The following CLSPN variants were observed in gnomAD, a reference collection of about 807,000 sequenced individuals.
CLSPN encodes claspin homolog.
A neutral mutation model predicts 156.3 loss-of-function variants in CLSPN; 85 were observed. The observed-to-expected ratio is 0.54, with a 90% confidence interval of 0.46 to 0.65. The LOEUF is 0.65. CLSPN is among the 30% of genes least tolerant of loss of function. CLSPN has a pLI of 0.00. For synonymous variants in CLSPN, 534 were observed against 542.4 expected, an observed-to-expected ratio of 0.98 and a Z score of 0.22; for missense variants, 1,407 against 1,554.9, an observed-to-expected ratio of 0.90 and a Z score of 1.60.
intron 6 of CLSPN, among the ~76,000 whole-genome samples, chr1:35,761,658 T>C (rs1284026614): frequency 6.6e-6 from 1 of 152,074 alleles, no homozygotes; most frequent in Non-Finnish European, 1.5e-5. Flanking sequence ...GACAAAGGGA[T>C]GATATTTTTA....
At position 35,743,150 on chromosome 1, in the gene CLSPN, T is replaced by C; in HGVS notation, c.3134A>G (p.Lys1045Arg). The change falls in exon 18 of 25, where the codon AAA (lysine) becomes AGA (arginine). Residue 1045 changes from lysine to arginine, a missense_variant. By Grantham distance (26) the Lys-to-Arg change is conservative. This residue lies in a region of CLSPN where 70 missense variants were observed against 121.5 expected (regional missense o/e 0.58). Transcript: ENST00000318121. ...TATTAATAACACGTACATTTGCCTT[T>C]TCAACTTCTCAGATCGCTTCAGGAG... ...EELLKRSEKL[K>R]RQMRLRKYLE... 6.2e-7 allele frequency: 1 copy of C among 1,613,534 alleles called. No homozygotes were observed. The highest frequency in any genetic ancestry group is 8.5e-7 in the Non-Finnish European group (1 of 1,179,544).
Position 35,732,182 on chromosome 1 carries a change from G to A in CLSPN, c.*4314C>T. 1.0e-6 allele frequency: 1 copy of A among 985,380 alleles called. No individual in the cohort carries two copies. The highest frequency in any genetic ancestry group is 1.2e-6 in the Non-Finnish European group (1 of 829,918). 61.0% of individuals were successfully genotyped at this position (985,380 alleles called of 1,614,324 possible). On this transcript the variant is annotated 3_prime_UTR_variant, in exon 25 of 25. Coordinates refer to ENST00000318121, the MANE Select transcript of CLSPN (RefSeq NM_022111.4). ...CATTCCAAGCTGTGTGCCAGGCGATGAGTAGGATATAAGGGTAGAAGATAC... is the reference window on the plus strand; with the variant it reads ...CATTCCAAGCTGTGTGCCAGGCGATAAGTAGGATATAAGGGTAGAAGATAC...
At chr1:35,755,182 A>G (rs1571213117) in intron 8 of CLSPN, among the ~76,000 whole-genome samples, 1 of 151,906 alleles carries the variant, frequency 6.6e-6, no homozygotes, top group Non-Finnish European at 1.5e-5. Context: ...TGTAGCCTCA[A>G]TCTCCCCAAG....
At chr1:35,743,980 T>A (rs1641786413) in intron 16 of CLSPN, among the ~76,000 whole-genome samples, 2 of 152,244 alleles carry the variant, frequency 1.3e-5, no homozygotes, top group African/African-American at 2.4e-5. Flanking sequence ...GAAAATTTTT[T>A]AAATTTTCAA....
chr1:35,762,505 A>G lies in CLSPN; in HGVS notation c.745-24T>C, dbSNP rs1224879514. 5.0e-6 allele frequency: 8 copies of G among 1,601,526 alleles called. No homozygotes were observed. In the Admixed American group the frequency reaches 5.0e-5, roughly 10 times the overall value. ...TTCTAAAAGAAATGGCAGGTTGATT[A>G]GGACAAAAACGAAATTCAAATAAGA... On this transcript the variant is annotated intron_variant, in intron 4 of 24. Transcript: ENST00000318121.
intron 16 of CLSPN, 84 bp from the exon 17 acceptor site, chr1:35,743,614 T>G (rs1641774116): frequency 1.8e-6 from 2 of 1,105,612 alleles, no homozygotes; most frequent in African/African-American, 1.6e-5. Flanking sequence ...TAAAAAAAAT[T>G]TTGTGTGTGT....
In CLSPN at chr1:35,748,532, G is replaced by A. The variant is rs140167800; in HGVS notation, c.2345C>T (p.Thr782Met). ...GTTGCAAGGCTGATAGGATGGAATC[G>A]TGGAGCCAATCAGCTCAAAGCTGCT... ...HNSSFELIGS[T>M]IPSYQPCNRQ... The change falls in exon 13 of 25, where the codon ACG becomes ATG. Residue 782 changes from threonine (T) to methionine (M), a missense_variant. By Grantham distance (81) the Thr-to-Met change is moderately conservative. This residue lies in a region of CLSPN where 1,096 missense variants were observed against 1,193.0 expected (regional missense o/e 0.92). Coordinates refer to ENST00000318121, the MANE Select transcript of CLSPN (RefSeq NM_022111.4). 115 of 1,614,108 alleles carry A rather than the reference G, an allele frequency of 7.1e-5. No homozygotes were observed. In the African/African-American group the frequency reaches 8.9e-4, roughly 13 times the overall value.
chr1:35,733,938 C>T lies in CLSPN; in HGVS notation c.*2558G>A. The T allele has an allele frequency of 1.1e-6, 1 of 886,696 alleles. No homozygotes were observed. Among genetic ancestry groups the T allele is most frequent in the Non-Finnish European group, 1.4e-6 (1 of 740,026 alleles). 54.9% of individuals were successfully genotyped at this position (886,696 alleles called of 1,614,324 possible). A position where few individuals can be genotyped will look rare whatever the true frequency, so the allele number is the denominator to read the frequency against. On this transcript the variant is annotated 3_prime_UTR_variant, in exon 25 of 25. Coordinates refer to ENST00000318121, the MANE Select transcript of CLSPN (RefSeq NM_022111.4). ...AAGGGTACAGTGAGCTATGATTGTG[C>T]CACTGCACTCTAACCTGGGCAACAG...
At position 35,735,959 on chromosome 1, in the gene CLSPN, C is replaced by T. The variant is rs901995400; in HGVS notation, c.*537G>A. The stretch of plus-strand genomic sequence containing the variant: ...CCAAGGCCAGGTGCAGTGACTCATG[C>T]ATGTGACCAGCACTTTGTGGGGCCG... On this transcript the variant is annotated 3_prime_UTR_variant, in exon 25 of 25. Coordinates refer to ENST00000318121, the MANE Select transcript of CLSPN (RefSeq NM_022111.4). 98 of 983,670 alleles carry T rather than the reference C, an allele frequency of 1.0e-4. No individual in the cohort carries two copies. Among genetic ancestry groups the T allele is most frequent in the Non-Finnish European group, 1.1e-4 (92 of 828,614 alleles). The allele number at this position is 983,670 out of a possible 1,614,324, so 60.9% of individuals were successfully genotyped here. A position where few individuals can be genotyped will look rare whatever the true frequency, so the allele number is the denominator to read the frequency against.
At chr1:35,748,380 A>T (rs767707206) in intron 13 of CLSPN, 25 bp downstream of exon 13, 2 of 1,602,476 alleles carry the variant, frequency 1.2e-6, no homozygotes, top group Non-Finnish European at 1.7e-6. Flanking sequence ...AGAGGAGGAG[A>T]TTAGAAAAAC....
At chr1:35,748,642 A>C (rs372545084) in intron 12 of CLSPN, 38 bp from the exon 13 acceptor site, 1 of 1,543,932 alleles carries the variant, frequency 6.5e-7, no homozygotes, top group Non-Finnish European at 8.9e-7. Context: ...ACATGATTAC[A>C]GAAATAAGGT....
chr1:35,748,472 GT>G lies in CLSPN; in HGVS notation c.2404del (p.Thr802GlnfsTer35). On this transcript the variant is annotated frameshift_variant, in exon 13 of 25. Transcript: ENST00000318121. LOFTEE classifies it high-confidence loss of function. ...QTGRGTSFFP[T>X]AGGFRSPSPG... ...GGAAGGAGATCTGAATCCTCCTGCT[GT>G]AGGGAAAAAACTGGTCCCACGGCCT... The G allele has an allele frequency of 6.2e-7, 1 of 1,614,164 alleles. No homozygotes were observed. Among genetic ancestry groups the G allele is most frequent in the Non-Finnish European group, 8.5e-7 (1 of 1,180,024 alleles).
rs1641881988 is a variant in CLSPN, at chr1:35,746,382, G to C, written c.2854+384C>G. Among the ~76,000 whole-genome samples the C allele has an allele frequency of 6.6e-6, 1 of 151,908 alleles. No individual in the cohort carries two copies. Among genetic ancestry groups the C allele is most frequent in the African/African-American group, 2.4e-5 (1 of 41,358 alleles). On this transcript the variant is annotated intron_variant, in intron 15 of 24. Coordinates refer to ENST00000318121, the MANE Select transcript of CLSPN (RefSeq NM_022111.4). This position sits in a 1 kb window ranked among gnomAD's most constrained non-coding sequence, Gnocchi z 4.2. ...CTGTGAACTTTTCACCTGAGGGTAA[G>C]GGGCTTCTTTTCTTTCTTTCTTTTT...
At chr1:35,750,675 G>A (rs1254378063) in intron 10 of CLSPN, among the ~76,000 whole-genome samples, 1 of 151,908 alleles carries the variant, frequency 6.6e-6, no homozygotes, top group Non-Finnish European at 1.5e-5. Context: ...TTACAGGCAT[G>A]AGCCACCCTG....
chr1:35,729,163 A>G (rs969392125), downstream of CLSPN, among the ~76,000 whole-genome samples: 2 of 152,172 alleles, frequency 1.3e-5, no homozygotes, highest in Non-Finnish European at 2.9e-5. Context: ...TCAGCCTCTG[A>G]GAAAAAGAGA....
chr1:35,740,407 ATACT>A (rs1256198379), intron 18 of CLSPN, among the ~76,000 whole-genome samples: 1 of 149,232 alleles, frequency 6.7e-6, no homozygotes, highest in Non-Finnish European at 1.5e-5. Flanking sequence ...TCGAAGACCT[ATACT>A]GTATTTTCTC....
At chr1:35,765,136 A>C in intron 2 of CLSPN, 82 bp downstream of exon 2, 1 of 822,388 alleles carries the variant, frequency 1.2e-6, no homozygotes, top group South Asian at 1.5e-5. Flanking sequence ...TAATAAATCA[A>C]GAGAATAATG....
Position 35,736,412 on chromosome 1 carries a change from A to G in CLSPN, c.*84T>C. On this transcript the variant is annotated 3_prime_UTR_variant, in exon 25 of 25. Coordinates refer to ENST00000318121, the MANE Select transcript of CLSPN (RefSeq NM_022111.4). ...ATTGATTATGAAAGAAGGAAGGATC[A>G]TTGGCTGGAGTGTCAATTCCAACTT... 2 of 1,478,296 alleles carry G rather than the reference A, an allele frequency of 1.4e-6. No individual in the cohort carries two copies. The highest frequency in any genetic ancestry group is 1.8e-6 in the Non-Finnish European group (2 of 1,116,826). The allele number at this position is 1,478,296 out of a possible 1,614,324, so 91.6% of individuals were successfully genotyped here. A position where few individuals can be genotyped will look rare whatever the true frequency, so the allele number is the denominator to read the frequency against.
At position 35,736,538 on chromosome 1, in the gene CLSPN, A is replaced by G. The variant is rs1167252384; in HGVS notation, c.3978T>C (p.Thr1326=). The change falls in exon 25 of 25, where the codon ACT becomes ACC. Residue 1326 remains threonine (T), a synonymous_variant. Coordinates refer to ENST00000318121, the MANE Select transcript of CLSPN (RefSeq NM_022111.4). The part of the protein sequence containing the change: ...SPKHLKTDDS[T]SGLTRSIFKY... ...TGAAGATGCTTCGCGTCAATCCTGA[A>G]GTGCTATCATCTGTTTTGAGGTGCT... The G allele has an allele frequency of 1.2e-6, 2 of 1,611,004 alleles. No homozygotes were observed. The highest frequency in any genetic ancestry group is 1.7e-6 in the Non-Finnish European group (2 of 1,178,910).
Sources: allele counts gnomAD v4.1 joint callset (sites outside exome capture counted in the v4.1 genomes callset), GRCh38; gene constraint gnomAD v4.1.1; regional missense constraint gnomAD v4.1.1; non-coding constraint Gnocchi (gnomAD v3.1); transcripts MANE v1.5; gene names NCBI Gene and HGNC (gene_info 2026-07-23, HGNC 2026-07-21).